The following RIT2 variants were observed in gnomAD, a reference collection of about 807,000 sequenced individuals.
RIT2 encodes the protein GTP-binding protein Rit2.
Under a neutral mutation model 23.7 loss-of-function variants are expected in RIT2, and 24 were observed. That is an observed-to-expected ratio of 1.01 (90% confidence interval 0.73 to 1.43). The LOEUF (loss-of-function observed/expected upper bound fraction) is 1.43, where lower values mean the gene tolerates loss of function less well. Among genes scored for constraint, RIT2 ranks in the 40% most tolerant of loss-of-function variants. RIT2 has a pLI of 0.00. For missense variants in RIT2, 236 were observed against 266.9 expected, an observed-to-expected ratio of 0.88 and a Z score of 0.81; for synonymous variants, 107 against 91.1, an observed-to-expected ratio of 1.17 and a Z score of -0.99.
At chr18:43,026,878 A>G (rs1911745411) in intron 2 of RIT2, among the ~76,000 whole-genome samples, 1 of 152,096 alleles carries the variant, frequency 6.6e-6, no homozygotes, top group African/African-American at 2.4e-5. Flanking sequence ...ACTGAAGACA[A>G]TCACCAATGA....
chr18:43,067,448 A>G (rs1912797485), intron 1 of RIT2, among the ~76,000 whole-genome samples: 1 of 152,150 alleles, frequency 6.6e-6, no homozygotes, highest in Non-Finnish European at 1.5e-5. Context: ...GGCACAGCCT[A>G]GTTTTATACA....
Position 43,115,440 on chromosome 18 carries a change from C to A in RIT2, c.80G>T (p.Gly27Val). The A allele has an allele frequency of 3.1e-6, 5 of 1,613,490 alleles. No homozygotes were observed. The highest frequency in any genetic ancestry group is 3.4e-6 in the Non-Finnish European group (4 of 1,179,734). ...ACCGCTTTTACCAACTCCCCCTGCT[C>A]CCAGCATTACCACCTTGTACTCTCT... ...GSREYKVVML[G>V]AGGVGKSAMT... The change falls in exon 1 of 5, where the codon GGA becomes GTA. Residue 27 changes from glycine to valine, a missense_variant. Coordinates refer to ENST00000326695, the MANE Select transcript of RIT2 (RefSeq NM_002930.4).
chr18:42,934,030 A>G lies in RIT2; in HGVS notation c.235-10267T>C, dbSNP rs530635664. ...AGACTCCGTCTCACAGAAGAAAAAA[A>G]AAAAAAAAGAAAAAAAAAAAAAGAA... On this transcript the variant is annotated intron_variant, in intron 3 of 4. Coordinates refer to ENST00000326695, the MANE Select transcript of RIT2 (RefSeq NM_002930.4). Among the ~76,000 whole-genome samples, 241 of 40,070 alleles carry G rather than the reference A, an allele frequency of 6.0e-3. 2 individuals carry two copies. The highest frequency in any genetic ancestry group is 0.013 in the African/African-American group (237 of 18,006). 26.3% of individuals were successfully genotyped at this position (40,070 alleles called of 152,430 possible).
Position 42,756,845 on chromosome 18 carries a change from T to A in RIT2, c.427-13125A>T, listed in dbSNP as rs547527203. On this transcript the variant is annotated intron_variant, in intron 4 of 4. Transcript: ENST00000326695. Reference sequence around the variant, plus strand: ...AATGTACTCTTTGAAGACCAAAAAATTTTATTATTTAATCTATTCTGTTAA... The same window carrying A: ...AATGTACTCTTTGAAGACCAAAAAAATTTATTATTTAATCTATTCTGTTAA... 1.7e-4 allele frequency among the ~76,000 whole-genome samples: 26 copies of A among 151,958 alleles called. No homozygotes were observed. The South Asian group carries it at 5.0e-3, about 29-fold the overall frequency.
At chr18:43,096,075 A>G (rs2144367029) in intron 1 of RIT2, among the ~76,000 whole-genome samples, 1 of 152,048 alleles carries the variant, frequency 6.6e-6, no homozygotes, top group South Asian at 2.1e-4. Context: ...AATCCGGAAA[A>G]GTGAGACTAT....
chr18:42,952,231 C>G (rs1909867986), intron 3 of RIT2, among the ~76,000 whole-genome samples: 1 of 152,062 alleles, frequency 6.6e-6, no homozygotes, highest in African/African-American at 2.4e-5. Context: ...ATTTATAACA[C>G]TATGGATGAA....
chr18:42,838,358 C>T (rs1906673729), intron 4 of RIT2, among the ~76,000 whole-genome samples: 1 of 152,058 alleles, frequency 6.6e-6, no homozygotes, highest in African/African-American at 2.4e-5. Flanking sequence ...GGTTAAAAAA[C>T]ATGATGGACT....
intron 4 of RIT2, among the ~76,000 whole-genome samples, chr18:42,890,819 C>G (rs560209795): frequency 3.3e-5 from 5 of 151,960 alleles, no homozygotes; most frequent in African/African-American, 1.2e-4. Context: ...ATCAACTTAC[C>G]TCTGCCTTAT....
chr18:42,790,351 C>A (rs1480452263), intron 4 of RIT2, among the ~76,000 whole-genome samples: 2 of 152,186 alleles, frequency 1.3e-5, no homozygotes. Context: ...ACATGTACCT[C>A]CTGCCTATGT....
intron 4 of RIT2, among the ~76,000 whole-genome samples, chr18:42,877,228 T>G (rs1036349355): frequency 1.3e-5 from 2 of 151,868 alleles, no homozygotes; most frequent in Non-Finnish European, 2.9e-5. Flanking sequence ...TATAGAAATA[T>G]ATACATAAAA....
intron 4 of RIT2, among the ~76,000 whole-genome samples, chr18:42,746,302 C>G (rs553416743): frequency 6.6e-6 from 1 of 152,006 alleles, no homozygotes; most frequent in African/African-American, 2.4e-5. Flanking sequence ...ATTCAACTGA[C>G]CACAGTCAAT....
intron 4 of RIT2, among the ~76,000 whole-genome samples, chr18:42,810,285 G>T (rs1233111852): frequency 1.3e-5 from 2 of 151,582 alleles, no homozygotes; most frequent in Non-Finnish European, 3.0e-5. Flanking sequence ...ATAACCCACA[G>T]AAAAGAAATC....
chr18:42,824,387 A>G (rs1365537216), intron 4 of RIT2, among the ~76,000 whole-genome samples: 1 of 152,056 alleles, frequency 6.6e-6, no homozygotes, highest in Non-Finnish European at 1.5e-5. Context: ...TTCCACTTTC[A>G]TTACCACTGT....
rs534491985 is a variant in RIT2, at chr18:42,776,040, T to C, written c.427-32320A>G. Among the ~76,000 whole-genome samples, 140 of 152,284 alleles carry C rather than the reference T, an allele frequency of 9.2e-4. 1 individual carries two copies. The highest frequency in any genetic ancestry group is 2.1e-3 in the Admixed American group (32 of 15,300). ...AAGCTCGAAGATGGGTTCAACTTTATGATAAAAGTTGGCAGCTGCAAGTGC... is the reference window on the plus strand; with the variant it reads ...AAGCTCGAAGATGGGTTCAACTTTACGATAAAAGTTGGCAGCTGCAAGTGC... On this transcript the variant is annotated intron_variant, in intron 4 of 4. Transcript: ENST00000326695.
intron 3 of RIT2, among the ~76,000 whole-genome samples, chr18:42,933,222 T>C (rs1909370303): frequency 6.6e-6 from 1 of 152,138 alleles, no homozygotes; most frequent in Admixed American, 6.5e-5. Flanking sequence ...CTTCTAATAG[T>C]AAAGGAGTTT....
At chr18:43,029,080 G>A (rs1875931024) in intron 2 of RIT2, among the ~76,000 whole-genome samples, 3 of 151,974 alleles carry the variant, frequency 2.0e-5, no homozygotes, top group South Asian at 4.1e-4. Context: ...CTTATATAAA[G>A]TCCTTGTTTT....
At chr18:42,983,511 TA>T (rs925916164) in intron 2 of RIT2, among the ~76,000 whole-genome samples, 4 of 152,148 alleles carry the variant, frequency 2.6e-5, no homozygotes, top group African/African-American at 7.2e-5. Flanking sequence ...ACCAAAATTT[TA>T]AAAATCAATA....
chr18:43,014,171 T>C (rs775052075), intron 2 of RIT2, among the ~76,000 whole-genome samples: 1 of 151,802 alleles, frequency 6.6e-6, no homozygotes, highest in African/African-American at 2.4e-5. Context: ...AAATAGGCTT[T>C]AACTAAGCAA....
At chr18:42,839,773 C>A (rs764804327) in intron 4 of RIT2, among the ~76,000 whole-genome samples, 9 of 152,090 alleles carry the variant, frequency 5.9e-5, no homozygotes. Context: ...GGACAGTGGC[C>A]AGACCATACC....
Sources: allele counts gnomAD v4.1 joint callset (sites outside exome capture counted in the v4.1 genomes callset), GRCh38; gene constraint gnomAD v4.1.1; transcripts MANE v1.5; gene names NCBI Gene and HGNC (gene_info 2026-07-23, HGNC 2026-07-21).